The following PATJ variants were observed in gnomAD, a reference collection of about 807,000 sequenced individuals.
The protein encoded by PATJ is inaD-like protein.
PATJ carries 190 observed loss-of-function variants against 224.9 expected under a neutral mutation model. The observed-to-expected ratio is 0.84, with a 90% confidence interval of 0.75 to 0.95. The LOEUF is 0.95. Ranked by LOEUF, PATJ falls within the 40% of genes least tolerant of loss-of-function variation. The pLI, the probability that PATJ is intolerant of heterozygous loss-of-function variation, is 0.00. For synonymous variants in PATJ, 769 were observed against 820.3 expected, an observed-to-expected ratio of 0.94 and a Z score of 1.07; for missense variants, 2,121 against 2,270.3, an observed-to-expected ratio of 0.93 and a Z score of 1.34.
intron 22 of PATJ, 87 bp downstream of exon 22, chr1:61,884,495 G>A: frequency 4.4e-6 from 4 of 900,720 alleles, no homozygotes; most frequent in South Asian, 2.5e-5. Context: ...GCGTGATTTT[G>A]GTAGAACGTT....
At chr1:61,816,571 G>A (rs1434355199) in intron 14 of PATJ, 1 of 151,820 alleles carries the variant, frequency 6.6e-6, no homozygotes, top group African/African-American at 2.4e-5. Flanking sequence ...ACAAATCAAG[G>A]GTTATCTGGC....
intron 26 of PATJ, among the ~76,000 whole-genome samples, chr1:61,927,429 A>G (rs950215117): frequency 2.6e-5 from 4 of 152,214 alleles, no homozygotes; most frequent in Non-Finnish European, 4.4e-5. Context: ...TGTATAGAAG[A>G]TACAAATAAC....
chr1:62,013,054 A>G (rs1042220553), intron 28 of PATJ, among the ~76,000 whole-genome samples: 1 of 152,274 alleles, frequency 6.6e-6, no homozygotes, highest in Non-Finnish European at 1.5e-5. Flanking sequence ...AAACATCAAC[A>G]GCAAGCAAGC....
intron 41 of PATJ, among the ~76,000 whole-genome samples, chr1:62,137,686 A>C (rs1213108753): frequency 4.2e-5 from 2 of 47,222 alleles, no homozygotes; most frequent in Non-Finnish European, 8.0e-5. Context: ...GGGGGATAGC[A>C]GTTTGTGGGG....
intron 27 of PATJ, among the ~76,000 whole-genome samples, chr1:61,983,660 T>C (rs140168397): frequency 4.4e-4 from 67 of 152,230 alleles, no homozygotes; most frequent in Middle Eastern, 3.4e-3. Flanking sequence ...ATTTCTGTTT[T>C]CAGTAGTTTT....
intron 29 of PATJ, among the ~76,000 whole-genome samples, chr1:62,037,401 G>A (rs1444084576): frequency 1.3e-5 from 2 of 152,052 alleles, no homozygotes; most frequent in Admixed American, 1.3e-4. Context: ...ACTCCATTGG[G>A]ATGAGGAGGA....
chr1:61,926,231 TCTGG>T (rs1443640463), intron 26 of PATJ, among the ~76,000 whole-genome samples: 1 of 152,184 alleles, frequency 6.6e-6, no homozygotes, highest in Non-Finnish European at 1.5e-5. Context: ...CTTTGCCACA[TCTGG>T]GGAGAGCCTG....
At chr1:61,971,430 A>G (rs1682953489) in intron 27 of PATJ, among the ~76,000 whole-genome samples, 1 of 149,446 alleles carries the variant, frequency 6.7e-6, no homozygotes, top group South Asian at 2.1e-4. Context: ...CAGAAGGATC[A>G]CTTAAACTCA....
intron 39 of PATJ, among the ~76,000 whole-genome samples, chr1:62,125,264 C>CAAAAAAA (rs1284483252): frequency 1.6e-5 from 1 of 64,196 alleles, no homozygotes; most frequent in African/African-American, 5.9e-5. Flanking sequence ...CAAAAAAAAA[C>CAAAAAAA]AAAAAAAAAA....
chr1:61,940,501 G>A (rs542993932), intron 27 of PATJ, among the ~76,000 whole-genome samples: 1 of 152,220 alleles, frequency 6.6e-6, no homozygotes, highest in African/African-American at 2.4e-5. Context: ...CGGATCACGA[G>A]GTCAAGAGAT....
intron 31 of PATJ, among the ~76,000 whole-genome samples, chr1:62,076,389 G>A (rs1374013899): frequency 6.6e-6 from 1 of 152,118 alleles, no homozygotes; most frequent in African/African-American, 2.4e-5. Context: ...AGTTAGGTTG[G>A]ATGACCTATA....
At chr1:61,869,002 G>C (rs1665839040) in intron 20 of PATJ, among the ~76,000 whole-genome samples, 1 of 152,070 alleles carries the variant, frequency 6.6e-6, no homozygotes, top group Non-Finnish European at 1.5e-5. Context: ...TACGTAACAT[G>C]GGGAAAGGGA....
At chr1:62,043,760 G>A (rs80220610) in intron 30 of PATJ, among the ~76,000 whole-genome samples, 7 of 151,596 alleles carry the variant, frequency 4.6e-5, no homozygotes, top group Admixed American at 6.6e-5. Context: ...ACAGGATCTC[G>A]CTCTGTTGCC....
At chr1:61,855,939 A>G (rs1270897930) in intron 17 of PATJ, 91 bp from the exon 18 acceptor site, 5 of 874,448 alleles carry the variant, frequency 5.7e-6, no homozygotes, top group South Asian at 1.5e-5. Context: ...TAAGTGGTCA[A>G]ATAAGATTCA....
At chr1:61,923,922 C>CAAAAAA (rs535481890) in intron 26 of PATJ, among the ~76,000 whole-genome samples, 1 of 77,790 alleles carries the variant, frequency 1.3e-5, no homozygotes. Flanking sequence ...AACTCCATCT[C>CAAAAAA]AAAAAAAAAA....
rs1298120908 is a variant in PATJ at position 62,162,595 on chromosome 1, T to C, written c.*1541T>C. Reference sequence around the variant, plus strand: ...AGTTGATTATTGGCAATCTTATTCATATATTAGCAAGAAAAAGGGAGAGAT... The same window carrying C: ...AGTTGATTATTGGCAATCTTATTCACATATTAGCAAGAAAAAGGGAGAGAT... On this transcript the variant is annotated 3_prime_UTR_variant, in exon 44 of 44. Coordinates refer to ENST00000642238, the MANE Select transcript of PATJ (RefSeq NM_001350145.3). The C allele has an allele frequency of 6.6e-6, 1 of 152,208 alleles. No individual in the cohort carries two copies. The highest frequency in any genetic ancestry group is 1.5e-5 in the Non-Finnish European group (1 of 68,046). The allele number at this position is 152,208 out of a possible 1,614,324, so 9.4% of individuals were successfully genotyped here.
At chr1:62,047,505 C>T (rs1245188651) in intron 30 of PATJ, among the ~76,000 whole-genome samples, 1 of 152,162 alleles carries the variant, frequency 6.6e-6, no homozygotes, top group Non-Finnish European at 1.5e-5. Context: ...CCGTCTCAGC[C>T]TCCCAAAGTG....
At chr1:61,991,605 T>C (rs1163797611) in intron 28 of PATJ, 3 of 985,320 alleles carry the variant, frequency 3.0e-6, no homozygotes, top group Non-Finnish European at 3.6e-6. Flanking sequence ...CAAACCTTGG[T>C]TGCTTCTCCC....
intron 34 of PATJ, 35 bp from the exon 35 acceptor site, chr1:62,114,018 A>G (rs895052615): frequency 3.7e-6 from 6 of 1,602,530 alleles, no homozygotes; most frequent in East Asian, 2.2e-5. Flanking sequence ...GACCTCTGCC[A>G]TCAGCAGCCC....
Sources: allele counts gnomAD v4.1 joint callset (sites outside exome capture counted in the v4.1 genomes callset), GRCh38; gene constraint gnomAD v4.1.1; transcripts MANE v1.5; gene names NCBI Gene and HGNC (gene_info 2026-07-23, HGNC 2026-07-21).